Variants in ZNF704 observed in about 807,000 individuals in gnomAD.
ZNF704 encodes the protein glucocorticoid induced gene 1.
A neutral mutation model predicts 44.7 loss-of-function variants in ZNF704; 10 were observed. The observed-to-expected ratio is 0.22, with a 90% CI of 0.14 to 0.38. The LOEUF is 0.38. Ranked by LOEUF, ZNF704 falls within the 10% of genes least tolerant of loss-of-function variation. The pLI is 1.00. For missense variants in ZNF704, 390 were observed against 545.5 expected, an observed-to-expected ratio of 0.71 and a Z score of 2.84; for synonymous variants, 211 against 207.6, an observed-to-expected ratio of 1.02 and a Z score of -0.14.
intron 1 of ZNF704, among the ~76,000 whole-genome samples, chr8:80,823,717 C>G (rs1204871848): frequency 6.6e-6 from 1 of 152,100 alleles, no homozygotes; most frequent in Admixed American, 6.5e-5. Context: ...CCCTCTGAGA[C>G]GAAGCTTCCA....
At chr8:80,709,366 C>A (rs1402990229) in intron 2 of ZNF704, among the ~76,000 whole-genome samples, 2 of 143,964 alleles carry the variant, frequency 1.4e-5, no homozygotes, top group African/African-American at 5.2e-5. Context: ...ATGGCGTGAA[C>A]CTGGGAGGCG....
intron 7 of ZNF704, among the ~76,000 whole-genome samples, chr8:80,654,133 C>T (rs2131599739): frequency 6.6e-6 from 1 of 151,626 alleles, no homozygotes; most frequent in East Asian, 1.9e-4. Flanking sequence ...AACTGGCTAG[C>T]CATATGTAGA....
Position 80,641,487 on chromosome 8 carries a change from A to G in ZNF704, c.1128-10T>C, listed in dbSNP as rs752987121. 1.3e-6 allele frequency: 2 copies of G among 1,590,812 alleles called. No individual in the cohort carries two copies. The highest frequency in any genetic ancestry group is 2.7e-5 in the African/African-American group (2 of 74,352). On this transcript the variant is annotated splice_polypyrimidine_tract_variant and intron_variant, in intron 8 of 8. Transcript: ENST00000327835. Reference sequence around the variant, plus strand: ...CTCTCCCCTGGGCTTCCTGTAAGACAGACGAGGAAGGTTAGTTTAGTGGGA... The same window carrying G: ...CTCTCCCCTGGGCTTCCTGTAAGACGGACGAGGAAGGTTAGTTTAGTGGGA...
intron 4 of ZNF704, among the ~76,000 whole-genome samples, chr8:80,686,460 C>T (rs1428906543): frequency 6.6e-6 from 1 of 152,178 alleles, no homozygotes; most frequent in Non-Finnish European, 1.5e-5. Flanking sequence ...TAGCTCACTG[C>T]AGTCTTGAAC....
At chr8:80,732,766 G>A (rs2131682452) in intron 2 of ZNF704, among the ~76,000 whole-genome samples, 1 of 152,088 alleles carries the variant, frequency 6.6e-6, no homozygotes, top group East Asian at 1.9e-4. Flanking sequence ...GACTATCTTG[G>A]GCTACATGGT....
At chr8:80,760,654 C>CAA (rs1156753093) in intron 2 of ZNF704, among the ~76,000 whole-genome samples, 702 of 59,696 alleles carry the variant, frequency 0.012, 8 homozygotes, top group African/African-American at 0.028. Context: ...GACTCCATCT[C>CAA]AAAAAAAAAA....
intron 1 of ZNF704, among the ~76,000 whole-genome samples, chr8:80,823,038 A>G (rs1808306319): frequency 6.6e-6 from 1 of 152,118 alleles, no homozygotes; most frequent in African/African-American, 2.4e-5. Flanking sequence ...AAGACAGGGG[A>G]TTTCTGCATT....
At chr8:80,812,196 C>CT (rs137890942) in intron 2 of ZNF704, 9,116 of 153,178 alleles carry the variant, frequency 0.06, 302 homozygotes, top group Non-Finnish European at 0.076. Context: ...TATTTTCTTG[C>CT]TTTTTTTTGG....
intron 2 of ZNF704, among the ~76,000 whole-genome samples, chr8:80,770,133 G>C (rs1300657395): frequency 6.6e-6 from 1 of 152,138 alleles, no homozygotes; most frequent in Non-Finnish European, 1.5e-5. Context: ...CCTCTCACCA[G>C]GTCCCTCCCA....
chr8:80,664,680 G>T, intron 6 of ZNF704, 135 bp downstream of exon 6: 1 of 1,068,722 alleles, frequency 9.4e-7, no homozygotes, highest in Non-Finnish European at 1.4e-6. Context: ...GGCTTTAAAG[G>T]GAGAAAAATC....
intron 2 of ZNF704, among the ~76,000 whole-genome samples, chr8:80,775,231 A>G (rs751078731): frequency 7.2e-5 from 11 of 152,242 alleles, no homozygotes; most frequent in Non-Finnish European, 1.3e-4. Flanking sequence ...TAAAAACACA[A>G]TTCAGTCTAG....
intron 2 of ZNF704, among the ~76,000 whole-genome samples, chr8:80,790,390 A>G (rs777981086): frequency 3.0e-4 from 46 of 152,218 alleles, no homozygotes; most frequent in Middle Eastern, 3.4e-3. Context: ...GAAAATAGGA[A>G]AAGGATGAGT....
In ZNF704 at chr8:80,639,959, T is replaced by C. The variant is rs184578002; in HGVS notation, c.*1407A>G. On this transcript the variant is annotated 3_prime_UTR_variant, in exon 9 of 9. Coordinates refer to ENST00000327835, the MANE Select transcript of ZNF704 (RefSeq NM_001033723.3). The stretch of plus-strand genomic sequence containing the variant: ...AGAGTCGGGTAGATAGAGAATGAGC[T>C]TATTTATAGGGCTTGACGACTCCCC... 15 of 152,656 alleles carry C rather than the reference T, an allele frequency of 9.8e-5. No homozygotes were observed. The East Asian group carries it at 1.4e-3, about 14-fold the overall frequency. The allele number at this position is 152,656 out of a possible 1,614,324, so 9.5% of individuals were successfully genotyped here.
chr8:80,634,080 A>T lies in ZNF704; in HGVS notation c.*7286T>A, dbSNP rs533678122. 11 of 152,304 alleles carry T rather than the reference A, an allele frequency of 7.2e-5. No individual in the cohort carries two copies. The highest frequency in any genetic ancestry group is 1.2e-4 in the Non-Finnish European group (8 of 68,046). The allele number at this position is 152,304 out of a possible 1,614,324, so 9.4% of individuals were successfully genotyped here. A position where few individuals can be genotyped will look rare whatever the true frequency, so the allele number is the denominator to read the frequency against. On this transcript the variant is annotated 3_prime_UTR_variant, in exon 9 of 9. Coordinates refer to ENST00000327835, the MANE Select transcript of ZNF704 (RefSeq NM_001033723.3). ...GGATGGAGAGGGAAGGAGTGTGGGG[A>T]GGCTGGCCAAGGGCTTTGGCACAAG...
At chr8:80,709,506 G>C (rs990035038) in intron 2 of ZNF704, among the ~76,000 whole-genome samples, 4 of 125,426 alleles carry the variant, frequency 3.2e-5, no homozygotes, top group African/African-American at 1.2e-4. Flanking sequence ...ACTCTTCCAA[G>C]AAGCAGACAC....
chr8:80,705,589 C>T (rs985128337), intron 2 of ZNF704, among the ~76,000 whole-genome samples: 2 of 149,770 alleles, frequency 1.3e-5, no homozygotes, highest in Non-Finnish European at 3.0e-5. Flanking sequence ...TGTGTGTATC[C>T]GTGTATGCAT....
intron 2 of ZNF704, among the ~76,000 whole-genome samples, chr8:80,739,775 C>T (rs370749802): frequency 2.0e-5 from 3 of 152,110 alleles, no homozygotes; most frequent in African/African-American, 7.2e-5. Flanking sequence ...GCTTCCAGTG[C>T]GGTCTACAAG....
At chr8:80,667,702 GTGAA>G (rs749582199) in intron 5 of ZNF704, among the ~76,000 whole-genome samples, 4 of 152,218 alleles carry the variant, frequency 2.6e-5, no homozygotes, top group Non-Finnish European at 5.9e-5. Context: ...GAATGAATGA[GTGAA>G]TGAATGGAGC....
At chr8:80,765,326 C>T (rs763753319) in intron 2 of ZNF704, among the ~76,000 whole-genome samples, 46 of 152,128 alleles carry the variant, frequency 3.0e-4, no homozygotes, top group Admixed American at 9.8e-4. Flanking sequence ...TGGTCCACTC[C>T]GACTCACTCA....
Sources: gnomAD v4.1 joint callset for allele counts (sites outside exome capture counted in the v4.1 genomes callset) on GRCh38, gnomAD v4.1.1 for gene constraint, MANE v1.5 for transcripts, NCBI Gene and HGNC (gene_info 2026-07-23, HGNC 2026-07-21) for gene names.